ZFHX3: variants seen among roughly 807,000 people sequenced by gnomAD.
ZFHX3 encodes zinc finger homeobox 3, also known as zinc finger homeobox protein 3.
A neutral mutation model predicts 279.1 loss-of-function variants in ZFHX3; 42 were observed. The observed-to-expected ratio is 0.15, with a 90% confidence interval of 0.12 to 0.19. ZFHX3 has a LOEUF of 0.19. Among genes scored for constraint, ZFHX3 ranks in the 10% least tolerant of loss-of-function variants. ZFHX3 has a pLI of 1.00. For synonymous variants in ZFHX3, 2,293 were observed against 1,957.8 expected (o/e 1.17, Z -4.52); for missense variants, 4,981 against 4,754.0 (o/e 1.05, Z -1.40).
chr16:73,563,041 T>C (rs937031353), intron 2 of ZFHX3, among the ~76,000 whole-genome samples: 1 of 152,038 alleles, frequency 6.6e-6, no homozygotes, highest in South Asian at 2.1e-4. Flanking sequence ...TCTGGAAAAT[T>C]TCAGTTAACC....
intron 5 of ZFHX3, 138 bp downstream of exon 5, chr16:72,829,641 C>A: frequency 1.2e-6 from 1 of 837,420 alleles, no homozygotes; most frequent in Non-Finnish European, 1.9e-6. Context: ...ATCTCCCTCC[C>A]ACTCATCCTT....
At chr16:73,377,690 T>G (rs2016745526) in intron 3 of ZFHX3, among the ~76,000 whole-genome samples, 1 of 150,774 alleles carries the variant, frequency 6.6e-6, no homozygotes, top group Admixed American at 6.6e-5. Context: ...TCCTTTGTGT[T>G]TTTTTTTTCC....
chr16:73,428,244 A>G (rs781340502), intron 3 of ZFHX3, among the ~76,000 whole-genome samples: 24 of 152,244 alleles, frequency 1.6e-4, no homozygotes, highest in Middle Eastern at 3.4e-3. Flanking sequence ...TCGGGGGCAC[A>G]CATGCCGGCC....
At position 72,788,744 on chromosome 16, in the gene ZFHX3, G is replaced by A. The variant is rs1239725153; in HGVS notation, c.9532C>T (p.Leu3178=). ...GCTTGTGCTGGGGTTGGGGAGCTCA[G>A]CGACGCTGAGGACGGTTTATTTGGT... ...GLPNKPSSAS[L]SSPTPAQATM... The change falls in exon 10 of 10, where the codon CTG becomes TTG. Residue 3178 remains leucine (L), a synonymous_variant. Coordinates refer to ENST00000268489, the MANE Select transcript of ZFHX3 (RefSeq NM_006885.4). 1.9e-6 allele frequency: 3 copies of A among 1,590,936 alleles called. No homozygotes were observed. The highest frequency in any genetic ancestry group is 2.7e-5 in the African/African-American group (2 of 74,024).
intron 5 of ZFHX3, among the ~76,000 whole-genome samples, chr16:73,168,221 T>TTCTTTCTTTCTTTCTC (rs1967429184): frequency 7.9e-6 from 1 of 127,242 alleles, no homozygotes; most frequent in Non-Finnish European, 1.7e-5. Flanking sequence ...TTTTCTTTCT[T>TTCTTTCTTTCTTTCTC]TCTTTCTTTC....
chr16:73,769,040 T>C (rs775582263), intron 1 of ZFHX3, among the ~76,000 whole-genome samples: 3 of 152,116 alleles, frequency 2.0e-5, no homozygotes, highest in Non-Finnish European at 1.5e-5. Flanking sequence ...ACTTAAAAAA[T>C]GATTCATTGT....
intron 1 of ZFHX3, among the ~76,000 whole-genome samples, chr16:72,999,898 A>C (rs913939664): frequency 1.3e-5 from 2 of 152,260 alleles, no homozygotes; most frequent in African/African-American, 4.8e-5. Context: ...TCATCCATCC[A>C]GATTCAGCTC....
chr16:73,075,758 C>G lies in ZFHX3; in HGVS notation c.-532-16746G>C, dbSNP rs780414557. ...AAGGGATTCTCTTGCCTCAGCCTCC[C>G]GAGTAACTGGGACTACAGGTGCATG... On this transcript the variant is annotated intron_variant, in intron 8 of 17. Transcript: ENST00000641206. 2.0e-5 allele frequency among the ~76,000 whole-genome samples: 3 copies of G among 151,848 alleles called. No homozygotes were observed. The East Asian group carries it at 5.8e-4, about 29-fold the overall frequency.
intron 4 of ZFHX3, among the ~76,000 whole-genome samples, chr16:72,874,100 G>C (rs937456970): frequency 5.3e-5 from 8 of 152,000 alleles, no homozygotes; most frequent in African/African-American, 1.7e-4. Context: ...AGTGGGCGGG[G>C]CTTTGGAGGA....
Position 73,750,728 on chromosome 16 carries a change from C to T in ZFHX3, c.-1607-70488G>A, listed in dbSNP as rs927456786. ...TTTTCAGCCACACACACAGGGGCAT[C>T]CCAAACCATGGCTAAGAGAGTCTGT... On this transcript the variant is annotated intron_variant, in intron 1 of 17. Coordinates refer to the ZFHX3 transcript ENST00000641206. Among the ~76,000 whole-genome samples the T allele has an allele frequency of 7.9e-5, 12 of 152,132 alleles. 1 individual carries two copies. Among genetic ancestry groups the T allele is most frequent in the Non-Finnish European group, 1.5e-5 (1 of 68,022 alleles).
At chr16:72,851,437 C>A (rs944281533) in intron 4 of ZFHX3, among the ~76,000 whole-genome samples, 1 of 152,164 alleles carries the variant, frequency 6.6e-6, no homozygotes, top group African/African-American at 2.4e-5. Context: ...GTTCTTGCAA[C>A]GGCAAAAGTC....
intron 4 of ZFHX3, among the ~76,000 whole-genome samples, chr16:72,866,804 A>T (rs1043120203): frequency 6.6e-6 from 1 of 152,190 alleles, no homozygotes; most frequent in African/African-American, 2.4e-5. Context: ...CAGAAGTGAC[A>T]TGAACCAACC....
chr16:73,463,929 G>A (rs934894120), intron 2 of ZFHX3, among the ~76,000 whole-genome samples: 2 of 152,186 alleles, frequency 1.3e-5, no homozygotes, highest in African/African-American at 4.8e-5. Context: ...TCACTTTGGG[G>A]TCAGTGAACT....
intron 1 of ZFHX3, among the ~76,000 whole-genome samples, chr16:73,754,431 C>A (rs2053788629): frequency 6.6e-6 from 1 of 152,100 alleles, no homozygotes; most frequent in Non-Finnish European, 1.5e-5. Flanking sequence ...TGGCCACAGA[C>A]CACTAGTGCT....
intron 1 of ZFHX3, among the ~76,000 whole-genome samples, chr16:73,781,376 G>A (rs978013999): frequency 9.2e-5 from 14 of 152,132 alleles, no homozygotes; most frequent in Admixed American, 8.5e-4. Flanking sequence ...CCCAGGTCAC[G>A]TTGCTGCTAC....
chr16:72,944,324 T>C (rs1320712109), intron 3 of ZFHX3, among the ~76,000 whole-genome samples: 1 of 152,086 alleles, frequency 6.6e-6, no homozygotes, highest in Non-Finnish European at 1.5e-5. Context: ...ACAGCATGTG[T>C]CTATAAAGAT....
At chr16:72,838,060 G>C (rs2037241700) in intron 4 of ZFHX3, among the ~76,000 whole-genome samples, 1 of 152,230 alleles carries the variant, frequency 6.6e-6, no homozygotes, top group South Asian at 2.1e-4. Context: ...TTCCAAGGGG[G>C]TTGCAGCAGG....
At chr16:72,924,622 G>A (rs967475695) in intron 3 of ZFHX3, among the ~76,000 whole-genome samples, 5 of 152,104 alleles carry the variant, frequency 3.3e-5, no homozygotes, top group African/African-American at 2.4e-5. Context: ...GGCTGGGTGC[G>A]CAGAACTACG....
intron 5 of ZFHX3, among the ~76,000 whole-genome samples, chr16:72,814,698 T>C (rs532931494): frequency 2.0e-5 from 3 of 152,278 alleles, no homozygotes; most frequent in Admixed American, 1.3e-4. Flanking sequence ...ATAAAGTGTT[T>C]TAAAAAATAA....
Sources: allele counts gnomAD v4.1 joint callset (sites outside exome capture counted in the v4.1 genomes callset), GRCh38; gene constraint gnomAD v4.1.1; transcripts MANE v1.5; gene names NCBI Gene and HGNC (gene_info 2026-07-23, HGNC 2026-07-21).